The following PARG variants were observed in gnomAD, a reference collection of about 807,000 sequenced individuals.
The protein encoded by PARG is mitochondrial poly(ADP-ribose) glycohydrolase.
Under a neutral mutation model 113.0 loss-of-function variants are expected in PARG, and 35 were observed. That is an observed-to-expected ratio of 0.31 (90% CI 0.24 to 0.41). The LOEUF (loss-of-function observed/expected upper bound fraction) is 0.41, where lower values mean the gene tolerates loss of function less well. Among genes scored for constraint, PARG ranks in the 10% least tolerant of loss-of-function variants. The probability of loss-of-function intolerance (pLI) is 1.00; values close to 1 mark genes in which losing one functional copy is unlikely to be tolerated. For missense variants in PARG, 797 were observed against 1,169.4 expected, an observed-to-expected ratio of 0.68 and a Z score of 4.64; for synonymous variants, 330 against 409.9, an observed-to-expected ratio of 0.81 and a Z score of 2.36.
chr10:49,842,399 T>C (rs142632429), intron 14 of PARG, among the ~76,000 whole-genome samples: 122 of 152,340 alleles, frequency 8.0e-4, no homozygotes, highest in Non-Finnish European at 1.4e-3. Context: ...CCTCTAATAC[T>C]AAGGACATGC....
intron 7 of PARG, among the ~76,000 whole-genome samples, chr10:49,899,093 T>A (rs528517859): frequency 1.7e-4 from 26 of 152,220 alleles, no homozygotes; most frequent in Non-Finnish European, 3.5e-4. Flanking sequence ...TTTACAAAGC[T>A]CATCCTCCTC....
intron 16 of PARG, 104 bp downstream of exon 16, chr10:49,832,699 C>G (rs1844730493): frequency 3.5e-6 from 2 of 579,220 alleles, no homozygotes; most frequent in African/African-American, 1.9e-5. Context: ...TTCCTTTTCT[C>G]TTAGATTTTT....
chr10:49,873,461 T>C (rs1293933023), intron 9 of PARG, among the ~76,000 whole-genome samples: 1 of 151,558 alleles, frequency 6.6e-6, no homozygotes, highest in Non-Finnish European at 1.5e-5. Flanking sequence ...ATTTTGCTCA[T>C]GACAGGCTTT....
intron 13 of PARG, among the ~76,000 whole-genome samples, chr10:49,856,098 ATACACGTGACTAAATTTCCCCCC>A (rs1348565226): frequency 6.6e-6 from 1 of 151,472 alleles, no homozygotes; most frequent in African/African-American, 2.4e-5. Flanking sequence ...GACCTAAAGC[ATACACGTGACTAAATTTCCCCCC>A]TCCTCCTCCC....
At chr10:49,916,994 C>T (rs1252554181) in intron 6 of PARG, among the ~76,000 whole-genome samples, 3 of 151,862 alleles carry the variant, frequency 2.0e-5, no homozygotes, top group Admixed American at 6.6e-5. Flanking sequence ...TCATGCCATA[C>T]TAAGTATCTA....
chr10:49,890,044 C>A (rs146702921), intron 7 of PARG, among the ~76,000 whole-genome samples: 600 of 151,758 alleles, frequency 4.0e-3, no homozygotes, highest in East Asian at 0.014. Flanking sequence ...CTTAACTTCA[C>A]GAAAAGCAAG....
Position 49,915,988 on chromosome 10 carries a change from C to T in PARG, c.1666G>A (p.Ala556Thr). 1.3e-6 allele frequency: 2 copies of T among 1,531,962 alleles called. No individual in the cohort carries two copies. Among genetic ancestry groups the T allele is most frequent in the Non-Finnish European group, 1.8e-6 (2 of 1,128,972 alleles). 94.9% of individuals were successfully genotyped at this position (1,531,962 alleles called of 1,614,324 possible). A position where few individuals can be genotyped will look rare whatever the true frequency, so the allele number is the denominator to read the frequency against. Reference sequence around the variant, plus strand: ...TATGCCACATTGTATTTCAGAATAGCATCCTGTGGAAAATGCAGAAACAAA... The same window carrying T: ...TATGCCACATTGTATTTCAGAATAGTATCCTGTGGAAAATGCAGAAACAAA... ...KFTRPQNLKD[A>T]ILKYNVAYSK... Residue 556 changes from alanine (A) to threonine (T), a missense_variant, in exon 7 of 18, where the codon GCT becomes ACT. By Grantham distance (58) the Ala-to-Thr change is moderately conservative (BLOSUM62 0). This residue lies in a region of PARG where 252 missense variants were observed against 437.4 expected (regional missense o/e 0.58). Transcript: ENST00000616448.
chr10:49,832,974 TA>T, intron 15 of PARG, 66 bp from the exon 16 acceptor site: 5 of 774,230 alleles, frequency 6.5e-6, no homozygotes, highest in Non-Finnish European at 1.0e-5. Context: ...CTGACTGATG[TA>T]CTAGGATCAG....
chr10:49,905,831 T>C (rs2132776482), intron 7 of PARG, among the ~76,000 whole-genome samples: 1 of 152,238 alleles, frequency 6.6e-6, no homozygotes, highest in Admixed American at 6.5e-5. Flanking sequence ...TCTGAGCTCA[T>C]GGCTTTAGAG....
intron 1 of PARG, among the ~76,000 whole-genome samples, chr10:49,938,342 T>C (rs1838846139): frequency 6.6e-6 from 1 of 152,196 alleles, no homozygotes; most frequent in Non-Finnish European, 1.5e-5. Context: ...CTGAGATCAG[T>C]AATTCTCCAA....
chr10:49,829,378 G>A (rs1360913007), intron 16 of PARG, among the ~76,000 whole-genome samples: 2 of 151,984 alleles, frequency 1.3e-5, no homozygotes, highest in Admixed American at 6.6e-5. Flanking sequence ...GACTATAGGC[G>A]CATACCATTG....
At chr10:49,925,997 G>A (rs1204670698) in intron 4 of PARG, among the ~76,000 whole-genome samples, 1 of 152,194 alleles carries the variant, frequency 6.6e-6, no homozygotes, top group East Asian at 1.9e-4. Flanking sequence ...GGCTGGGGTC[G>A]GGTCGTACAA....
At chr10:49,880,194 T>C (rs530079740) in intron 8 of PARG, among the ~76,000 whole-genome samples, 107 of 152,330 alleles carry the variant, frequency 7.0e-4, no homozygotes, top group Admixed American at 2.5e-3. Context: ...TTAAGCTAAA[T>C]TTTGTTCTTA....
chr10:49,931,533 A>G (rs1838478987), intron 4 of PARG, among the ~76,000 whole-genome samples: 1 of 151,984 alleles, frequency 6.6e-6, no homozygotes, highest in Non-Finnish European at 1.5e-5. Flanking sequence ...ACTCAGCACA[A>G]GAGGACAGCT....
At chr10:49,890,762 G>A (rs1554841317) in intron 7 of PARG, among the ~76,000 whole-genome samples, 2 of 151,932 alleles carry the variant, frequency 1.3e-5, no homozygotes, top group Non-Finnish European at 2.9e-5. Flanking sequence ...ATAGAAAAGA[G>A]ATATTTACTT....
Position 49,920,466 on chromosome 10 carries a change from AT to A in PARG, c.1662+1869del, listed in dbSNP as rs1564658280. Among the ~76,000 whole-genome samples the A allele has an allele frequency of 1.9e-3, 134 of 70,648 alleles. 1 individual carries two copies. In the South Asian group the frequency reaches 0.019, roughly 10 times the overall value. The allele number at this position is 70,648 out of a possible 152,430, so 46.3% of individuals were successfully genotyped here. A position where few individuals can be genotyped will look rare whatever the true frequency, so the allele number is the denominator to read the frequency against. On this transcript the variant is annotated intron_variant, in intron 6 of 17. Transcript: ENST00000616448. Reference sequence around the variant, plus strand: ...AGCCTCAAATTAAAAAAAAAAAAATATATATATATATATATATATATATATA... The same window carrying A: ...AGCCTCAAATTAAAAAAAAAAAAATAATATATATATATATATATATATATA...
chr10:49,933,842 T>C lies in PARG; in HGVS notation c.606A>G (p.Glu202=). The change falls in exon 3 of 18, where the codon GAA becomes GAG. Residue 202 remains glutamate, a synonymous_variant. Transcript: ENST00000616448. ...QNDDHSDTDS[E]ENRDNQQFLT... ...GAAACTGTTGATTGTCTCTATTCTCTTCACTATCTGTGTCACTGTGATCAT... is the reference window on the plus strand; with the variant it reads ...GAAACTGTTGATTGTCTCTATTCTCCTCACTATCTGTGTCACTGTGATCAT... 1 of 1,604,188 alleles carries C rather than the reference T, an allele frequency of 6.2e-7. No homozygotes were observed. Among genetic ancestry groups the C allele is most frequent in the Non-Finnish European group, 8.5e-7 (1 of 1,170,896 alleles).
chr10:49,885,878 G>A (rs1394679217), intron 7 of PARG, among the ~76,000 whole-genome samples: 2 of 152,130 alleles, frequency 1.3e-5, no homozygotes, highest in Non-Finnish European at 2.9e-5. Context: ...ATAAAAATTT[G>A]AAGCACAACA....
chr10:49,885,112 C>A, intron 8 of PARG, 91 bp downstream of exon 8: 1 of 783,490 alleles, frequency 1.3e-6, no homozygotes, highest in Non-Finnish European at 2.3e-6. Flanking sequence ...CTGTCTCTCT[C>A]TCTCTCTCTG....
Sources: allele counts gnomAD v4.1 joint callset (sites outside exome capture counted in the v4.1 genomes callset), GRCh38; gene constraint gnomAD v4.1.1; regional missense constraint gnomAD v4.1.1; transcripts MANE v1.5; gene names NCBI Gene and HGNC (gene_info 2026-07-23, HGNC 2026-07-21).